Variants in OSBPL10 observed in about 807,000 individuals in gnomAD.
The protein encoded by OSBPL10 is oxysterol binding protein like 10.
Under a neutral mutation model 81.7 loss-of-function variants are expected in OSBPL10, and 49 were observed. The observed-to-expected ratio is 0.60, with a 90% CI of 0.48 to 0.76. The LOEUF (loss-of-function observed/expected upper bound fraction) is 0.76. OSBPL10 is among the 30% of genes least tolerant of loss of function. The pLI is 0.00. For missense variants in OSBPL10, 923 were observed against 987.8 expected (o/e 0.93, Z 0.88); for synonymous variants, 419 against 383.6 (o/e 1.09, Z -1.08).
chr3:31,965,576 A>AACTAT (rs1491442840), intron 1 of OSBPL10, among the ~76,000 whole-genome samples: 9 of 76,216 alleles, frequency 1.2e-4, no homozygotes, highest in East Asian at 5.4e-4. Flanking sequence ...ATATTATATA[A>AACTAT]TATATTATAT....
intron 3 of OSBPL10, among the ~76,000 whole-genome samples, chr3:31,837,335 A>C (rs1350377060): frequency 4.3e-5 from 1 of 23,192 alleles, no homozygotes; most frequent in South Asian, 2.7e-3. Flanking sequence ...ATATATATAT[A>C]TATATATATA....
At chr3:31,909,829 G>A (rs754632073) in intron 1 of OSBPL10, among the ~76,000 whole-genome samples, 1 of 152,138 alleles carries the variant, frequency 6.6e-6, no homozygotes, top group Admixed American at 6.5e-5. Context: ...TAGCAGCTTT[G>A]AAACAAACCC....
chr3:31,978,228 A>G (rs532754527), intron 1 of OSBPL10, among the ~76,000 whole-genome samples: 32 of 152,270 alleles, frequency 2.1e-4, no homozygotes, highest in African/African-American at 7.2e-4. Context: ...ATTTGTCATT[A>G]ACTGTGGGCA....
At chr3:31,860,570 T>G (rs1018532937) in intron 3 of OSBPL10, among the ~76,000 whole-genome samples, 1 of 152,212 alleles carries the variant, frequency 6.6e-6, no homozygotes, top group Non-Finnish European at 1.5e-5. Flanking sequence ...CCACCACATC[T>G]TATCTGATGA....
rs575404607 is a variant in OSBPL10, at chr3:32,021,744, T to C, written n.298+24747A>G. Among the ~76,000 whole-genome samples the C allele has an allele frequency of 3.3e-5, 5 of 152,084 alleles. No homozygotes were observed. The East Asian group carries it at 7.7e-4, about 24-fold the overall frequency. ...ATTCTAGCATTTTGGGAGGCTGAGG[T>C]GGGCAGATAGCTTGAGCCCAGGAGT... On this transcript the variant is annotated intron_variant and non_coding_transcript_variant, in intron 2 of 3. Coordinates refer to the OSBPL10 transcript ENST00000479173.
intron 11 of OSBPL10, 126 bp downstream of exon 11, chr3:31,663,953 C>T: frequency 6.2e-7 from 1 of 1,604,504 alleles, no homozygotes; most frequent in Non-Finnish European, 8.5e-7. Flanking sequence ...AACCGAGCTG[C>T]CCTAGTCCAT....
intron 1 of OSBPL10, among the ~76,000 whole-genome samples, chr3:31,900,726 G>T (rs1696212231): frequency 6.6e-6 from 1 of 152,178 alleles, no homozygotes; most frequent in Non-Finnish European, 1.5e-5. Flanking sequence ...GATGTTATAG[G>T]TATTGAGGAG....
At chr3:31,694,229 G>A (rs1004941291) in intron 7 of OSBPL10, among the ~76,000 whole-genome samples, 1 of 151,990 alleles carries the variant, frequency 6.6e-6, no homozygotes, top group African/African-American at 2.4e-5. Context: ...AAATTAGCCA[G>A]GCGTGATGGT....
chr3:32,009,431 C>T (rs1699232567), intron 2 of OSBPL10, among the ~76,000 whole-genome samples: 1 of 152,172 alleles, frequency 6.6e-6, no homozygotes, highest in South Asian at 2.1e-4. Context: ...TTGAGCAAGT[C>T]ACTTAAACTC....
chr3:31,871,807 G>T (rs7643089), intron 3 of OSBPL10, among the ~76,000 whole-genome samples: 2 of 151,954 alleles, frequency 1.3e-5, no homozygotes, highest in Non-Finnish European at 2.9e-5. Context: ...CAAGGCTGTA[G>T]CACTGATTGC....
At chr3:31,901,522 A>T (rs1490717059) in intron 1 of OSBPL10, among the ~76,000 whole-genome samples, 2 of 152,200 alleles carry the variant, frequency 1.3e-5, no homozygotes, top group African/African-American at 4.8e-5. Flanking sequence ...TCCCAGCTGA[A>T]AAAGGCCTGC....
intron 2 of OSBPL10, among the ~76,000 whole-genome samples, chr3:31,997,304 C>G (rs1035463922): frequency 1.3e-5 from 2 of 151,160 alleles, no homozygotes; most frequent in Non-Finnish European, 1.5e-5. Flanking sequence ...CTCACTCTGT[C>G]GCCAGGCTGG....
rs556321995 is a variant in OSBPL10, at chr3:32,050,458, T to G, written n.186-3855A>C. ...TAACTTCCCTTCTTGAATCTTCCTT[T>G]CTCTGAGCTACCTTTGGTGTTTCTA... On this transcript the variant is annotated intron_variant and non_coding_transcript_variant, in intron 1 of 3. Coordinates refer to the OSBPL10 transcript ENST00000479173. 2.7e-3 allele frequency among the ~76,000 whole-genome samples: 407 copies of G among 152,302 alleles called. 1 individual carries two copies. Among genetic ancestry groups the G allele is most frequent in the Non-Finnish European group, 3.8e-3 (260 of 68,026 alleles).
chr3:31,991,545 A>G (rs1280626709), intron 2 of OSBPL10: 3 of 166,718 alleles, frequency 1.8e-5, no homozygotes, highest in Non-Finnish European at 4.4e-5. Context: ...TTCTTTTAAC[A>G]TTGTTTATTG....
intron 4 of OSBPL10, among the ~76,000 whole-genome samples, chr3:31,762,678 A>G (rs1440617523): frequency 2.8e-5 from 3 of 108,066 alleles, no homozygotes; most frequent in African/African-American, 3.6e-5. Flanking sequence ...CAAGTTGCCC[A>G]GGCTGGTGTC....
chr3:31,785,657 A>G lies in OSBPL10; in HGVS notation c.730-37537T>C, dbSNP rs533988623. On this transcript the variant is annotated intron_variant, in intron 4 of 11. Transcript: ENST00000396556. ...AGCCGTTTTTTTTTCTTTTCATTCT[A>G]TAAAATGAAGAGACTGAACTAGATT... Among the ~76,000 whole-genome samples, 7 of 152,202 alleles carry G rather than the reference A, an allele frequency of 4.6e-5. No homozygotes were observed. The South Asian group carries it at 1.5e-3, about 32-fold the overall frequency.
chr3:31,939,140 C>A (rs1260876097), intron 1 of OSBPL10, among the ~76,000 whole-genome samples: 3 of 121,352 alleles, frequency 2.5e-5, no homozygotes, highest in Non-Finnish European at 4.8e-5. Context: ...AAGACTCTCT[C>A]ATCCTTTTTT....
intron 6 of OSBPL10, among the ~76,000 whole-genome samples, chr3:31,727,993 C>T (rs958313488): frequency 3.9e-5 from 6 of 152,256 alleles, no homozygotes; most frequent in East Asian, 1.9e-4. Flanking sequence ...AAATTCTTGA[C>T]GCAGAACTCA....
intron 7 of OSBPL10, among the ~76,000 whole-genome samples, chr3:31,690,273 T>G (rs1439845854): frequency 6.6e-6 from 1 of 152,046 alleles, no homozygotes; most frequent in Non-Finnish European, 1.5e-5. Context: ...CTTTGCTCTC[T>G]TTCTCCTGCT....
Sources: allele counts gnomAD v4.1 joint callset (sites outside exome capture counted in the v4.1 genomes callset), GRCh38; gene constraint gnomAD v4.1.1; transcripts MANE v1.5; gene names NCBI Gene and HGNC (gene_info 2026-07-23, HGNC 2026-07-21).